ANGPTL2: variants seen among roughly 807,000 people sequenced by gnomAD.
ANGPTL2 encodes the protein angiopoietin like 2, also known as angiopoietin-related protein 2.
ANGPTL2 carries 25 observed loss-of-function variants against 52.8 expected under a neutral mutation model. That is an observed-to-expected ratio of 0.47 (90% CI 0.35 to 0.66). ANGPTL2 has a LOEUF of 0.66. ANGPTL2 is among the 30% of genes least tolerant of loss of function. ANGPTL2 has a pLI of 0.01. For synonymous variants in ANGPTL2, 276 were observed against 277.4 expected, an observed-to-expected ratio of 1.00 and a Z score of 0.05; for missense variants, 546 against 656.9, an observed-to-expected ratio of 0.83 and a Z score of 1.84.
intron 2 of ANGPTL2, among the ~76,000 whole-genome samples, chr9:127,097,073 G>A (rs2053213713): frequency 6.6e-6 from 1 of 152,188 alleles, no homozygotes; most frequent in Non-Finnish European, 1.5e-5. Flanking sequence ...ACTTAGCTCT[G>A]TGTCCTTAGA....
chr9:127,091,678 A>T lies in ANGPTL2; in HGVS notation c.1274T>A (p.Val425Asp), dbSNP rs1473610471. The change falls in exon 4 of 5, where the codon GTC (valine) becomes GAC (aspartate). Residue 425 changes from valine to aspartate, a missense_variant. Around this residue, in one of 2 missense-constraint regions of ANGPTL2, gnomAD observed 261 missense variants for 361.0 expected, o/e 0.72. Coordinates refer to ENST00000373425, the MANE Select transcript of ANGPTL2 (RefSeq NM_012098.3). The surrounding 1 kb of genome is among the most constrained non-coding windows in gnomAD (Gnocchi z 4.3). Reference protein sequence around the residue: ...QFTTLDRDHDVYTGNCAHYQK... With the variant: ...QFTTLDRDHDDYTGNCAHYQK... ...GACTCCACTTTTCCTACCTGTGTAG[A>T]CATCATGATCTCTGTCCAGGGTGGT... The T allele has an allele frequency of 1.2e-6, 2 of 1,613,462 alleles. No homozygotes were observed. The highest frequency in any genetic ancestry group is 1.7e-6 in the Non-Finnish European group (2 of 1,179,950).
intron 3 of ANGPTL2, among the ~76,000 whole-genome samples, chr9:127,092,408 C>T (rs1249469682): frequency 3.9e-5 from 6 of 151,964 alleles, no homozygotes; most frequent in East Asian, 1.9e-4. Context: ...TCCCATCCAC[C>T]GGCGCTCCCC....
chr9:127,089,071 C>T lies in ANGPTL2; in HGVS notation c.1350G>A (p.Gly450=). The change falls in exon 5 of 5, where the codon GGG becomes GGA. Residue 450 remains glycine, a synonymous_variant. Transcript: ENST00000373425. The part of the protein sequence containing the change: ...YNACAHSNLN[G]VWYRGGHYRS... ...GGTAATGGCCCCCGCGGTACCAGACCCCGTTGAGGTTGGAGTGGGCACAGG... is the reference window on the plus strand; with the variant it reads ...GGTAATGGCCCCCGCGGTACCAGACTCCGTTGAGGTTGGAGTGGGCACAGG... 1 of 1,614,194 alleles carries T rather than the reference C, an allele frequency of 6.2e-7. No homozygotes were observed. The highest frequency in any genetic ancestry group is 8.5e-7 in the Non-Finnish European group (1 of 1,180,024).
At chr9:127,119,902 C>CT in intron 1 of ANGPTL2, among the ~76,000 whole-genome samples, 2 of 152,236 alleles carry the variant, frequency 1.3e-5, no homozygotes, top group Non-Finnish European at 2.9e-5. Context: ...CAGGCTGGAG[C>CT]AGGGAAACCT....
chr9:127,118,240 C>T (rs1024190673), intron 1 of ANGPTL2, among the ~76,000 whole-genome samples: 33 of 152,178 alleles, frequency 2.2e-4, no homozygotes, highest in Admixed American at 1.0e-3. Context: ...GACAGGCCAT[C>T]GTAACGTTGT....
rs1056299009 is a variant in ANGPTL2 at position 127,088,805 on chromosome 9, G to A, written c.*134C>T. Reference sequence around the variant, plus strand: ...TTCCATCATCCGCTGCAGTGACTTCGGAAAACAGAATCCAGCATCCCGGTC... The same window carrying A: ...TTCCATCATCCGCTGCAGTGACTTCAGAAAACAGAATCCAGCATCCCGGTC... On this transcript the variant is annotated 3_prime_UTR_variant, in exon 5 of 5. Coordinates refer to ENST00000373425, the MANE Select transcript of ANGPTL2 (RefSeq NM_012098.3). 23 of 1,055,516 alleles carry A rather than the reference G, an allele frequency of 2.2e-5. No individual in the cohort carries two copies. Among genetic ancestry groups the A allele is most frequent in the African/African-American group, 2.1e-4 (13 of 63,224 alleles). 65.4% of individuals were successfully genotyped at this position (1,055,516 alleles called of 1,614,324 possible).
At chr9:127,116,211 A>C (rs140062341) in intron 1 of ANGPTL2, among the ~76,000 whole-genome samples, 1 of 152,180 alleles carries the variant, frequency 6.6e-6, no homozygotes, top group East Asian at 1.9e-4. Flanking sequence ...TGGGGGTTCG[A>C]ATCTGCCTGA....
chr9:127,096,929 A>C (rs1389919077), intron 2 of ANGPTL2, among the ~76,000 whole-genome samples: 2 of 152,198 alleles, frequency 1.3e-5, no homozygotes, highest in African/African-American at 4.8e-5. Flanking sequence ...CCCTGTGGTC[A>C]TTAGAGGAGC....
chr9:127,118,913 A>G (rs1005994004), intron 1 of ANGPTL2, among the ~76,000 whole-genome samples: 1 of 152,202 alleles, frequency 6.6e-6, no homozygotes. Context: ...ATGTTTTCTC[A>G]GAAATTGCTC....
chr9:127,122,493 G>A lies in ANGPTL2; in HGVS notation c.-228C>T, dbSNP rs2056220304. 1 of 152,514 alleles carries A rather than the reference G, an allele frequency of 6.6e-6. No homozygotes were observed. Among genetic ancestry groups the A allele is most frequent in the South Asian group, 2.1e-4 (1 of 4,838 alleles). 9.4% of individuals were successfully genotyped at this position (152,514 alleles called of 1,614,324 possible). The stretch of plus-strand genomic sequence containing the variant: ...TCCACAGAGGGCTCCGGCAGAGGCT[G>A]GGGCCAGGGCTGGCCAGGGGTCCTG... On this transcript the variant is annotated 5_prime_UTR_variant, in exon 1 of 5. Transcript: ENST00000373425. This position sits in a 1 kb window ranked among gnomAD's most constrained non-coding sequence, Gnocchi z 6.4.
Position 127,108,775 on chromosome 9 carries a change from G to T in ANGPTL2, c.-44C>A. ...GTTATTCTTTGTGAATAGAATCTATGAAAGCCTGAAAGTAAACAGAGGGGA... is the reference window on the plus strand; with the variant it reads ...GTTATTCTTTGTGAATAGAATCTATTAAAGCCTGAAAGTAAACAGAGGGGA... On this transcript the variant is annotated 5_prime_UTR_variant, in exon 2 of 5. Transcript: ENST00000373425. 6.5e-7 allele frequency: 1 copy of T among 1,543,260 alleles called. No homozygotes were observed. The highest frequency in any genetic ancestry group is 1.2e-5 in the South Asian group (1 of 82,106).
At chr9:127,111,668 T>G (rs1204645908) in intron 1 of ANGPTL2, among the ~76,000 whole-genome samples, 3 of 152,238 alleles carry the variant, frequency 2.0e-5, no homozygotes, top group African/African-American at 7.2e-5. Context: ...CTAAACATTT[T>G]GCAAGTGTTT....
At chr9:127,105,545 A>G (rs1319111264) in intron 2 of ANGPTL2, among the ~76,000 whole-genome samples, 5 of 152,238 alleles carry the variant, frequency 3.3e-5, no homozygotes, top group African/African-American at 1.2e-4. Flanking sequence ...TGCCACGTCT[A>G]TCTAATCTCT....
intron 1 of ANGPTL2, among the ~76,000 whole-genome samples, chr9:127,110,775 G>A (rs533071767): frequency 8.7e-4 from 133 of 152,068 alleles, no homozygotes; most frequent in African/African-American, 2.2e-3. Context: ...CTAATTCACC[G>A]CCAAATTACG....
chr9:127,120,412 C>G (rs187194673), intron 1 of ANGPTL2, among the ~76,000 whole-genome samples: 2 of 152,332 alleles, frequency 1.3e-5, no homozygotes, highest in East Asian at 3.9e-4. Flanking sequence ...TAAAGCCCCC[C>G]TCTCCTCAGG....
Position 127,091,968 on chromosome 9 carries a change from G to GTGGA in ANGPTL2, c.1012-32_1012-29dup. On this transcript the variant is annotated intron_variant, in intron 3 of 4. Transcript: ENST00000373425. The surrounding 1 kb of genome is among the most constrained non-coding windows in gnomAD (Gnocchi z 4.3). Reference sequence around the variant, plus strand: ...GGGGAAAACCCAGGAGAGTGTTAATGTGGAGCCTGCAGCACCTGCAGCCAG... The same window carrying GTGGA: ...GGGGAAAACCCAGGAGAGTGTTAATGTGGATGGAGCCTGCAGCACCTGCAGCCAG... 6.2e-7 allele frequency: 1 copy of GTGGA among 1,606,924 alleles called. No homozygotes were observed. Among genetic ancestry groups the GTGGA allele is most frequent in the Non-Finnish European group, 8.5e-7 (1 of 1,174,998 alleles).
intron 1 of ANGPTL2, among the ~76,000 whole-genome samples, chr9:127,119,681 A>G (rs1183441389): frequency 6.6e-6 from 1 of 152,242 alleles, no homozygotes; most frequent in Middle Eastern, 3.2e-3. Context: ...GGAGGGCCAG[A>G]TGGAGGAACA....
At chr9:127,107,823 G>T in intron 2 of ANGPTL2, 92 bp downstream of exon 2, 2 of 1,340,460 alleles carry the variant, frequency 1.5e-6, no homozygotes, top group Non-Finnish European at 2.0e-6. Flanking sequence ...GCTTCAACTG[G>T]CCATGGCTTT....
chr9:127,092,095 C>G (rs559736280), intron 3 of ANGPTL2, among the ~76,000 whole-genome samples, 155 bp from the exon 4 acceptor site: 2 of 152,300 alleles, frequency 1.3e-5, no homozygotes, highest in East Asian at 3.9e-4. Context: ...CTCTTAATCT[C>G]TCCATGACTC....
Sources: allele counts gnomAD v4.1 joint callset (sites outside exome capture counted in the v4.1 genomes callset), GRCh38; gene constraint gnomAD v4.1.1; regional missense constraint gnomAD v4.1.1; non-coding constraint Gnocchi (gnomAD v3.1); transcripts MANE v1.5; gene names NCBI Gene and HGNC (gene_info 2026-07-23, HGNC 2026-07-21).